SRP19: variants seen among roughly 807,000 people sequenced by gnomAD.
The protein encoded by SRP19 is signal recognition particle 19 kDa protein.
A neutral mutation model predicts 22.4 loss-of-function variants in SRP19; 11 were observed. That is an observed-to-expected ratio of 0.49 (90% confidence interval 0.31 to 0.81). SRP19 has a LOEUF of 0.81. Ranked by LOEUF, SRP19 falls within the 40% of genes least tolerant of loss-of-function variation. The pLI, the probability that SRP19 is intolerant of heterozygous loss-of-function variation, is 0.05. For missense variants in SRP19, 168 were observed against 175.9 expected (o/e 0.96, Z 0.25); for synonymous variants, 61 against 57.6 (o/e 1.06, Z -0.27).
chr5:112,864,789 C>CA lies in SRP19; in HGVS notation c.301+63dup, dbSNP rs150798120. 5,328 of 1,338,296 alleles carry CA rather than the reference C, an allele frequency of 4.0e-3. 157 individuals carry two copies. In the African/African-American group the frequency reaches 0.069, roughly 17 times the overall value. The allele number at this position is 1,338,296 out of a possible 1,614,324, so 82.9% of individuals were successfully genotyped here. ...AGGGATAGGTTTCTCCTACACAACA[C>CA]AAAAAAGGTTCTAAAACTGAAAGGT... On this transcript the variant is annotated intron_variant, in intron 4 of 4. Transcript: ENST00000505459.
chr5:112,871,373 A>G (rs902056559), downstream of SRP19, among the ~76,000 whole-genome samples: 1 of 151,712 alleles, frequency 6.6e-6, no homozygotes, highest in African/African-American at 2.4e-5. Context: ...CAGTGGCACA[A>G]TCACGGCTCA....
At chr5:112,888,416 C>T (rs1768327189) in intron 4 of SRP19, among the ~76,000 whole-genome samples, 1 of 152,186 alleles carries the variant, frequency 6.6e-6, no homozygotes, top group Admixed American at 6.5e-5. Flanking sequence ...AACCCAAGTT[C>T]TCAACAATAT....
Position 112,868,469 on chromosome 5 carries a change from C to T in SRP19, c.*932C>T, listed in dbSNP as rs542851573. On this transcript the variant is annotated 3_prime_UTR_variant, in exon 5 of 5. Transcript: ENST00000505459. Reference sequence around the variant, plus strand: ...AGGCTGGAGTGCAATGGCACGATATCGGCGTACCACAACCTCTGCATCCCA... The same window carrying T: ...AGGCTGGAGTGCAATGGCACGATATTGGCGTACCACAACCTCTGCATCCCA... 59 of 761,204 alleles carry T rather than the reference C, an allele frequency of 7.8e-5. No homozygotes were observed. The East Asian group carries it at 1.3e-3, about 16-fold the overall frequency. 47.2% of individuals were successfully genotyped at this position (761,204 alleles called of 1,614,324 possible). A position where few individuals can be genotyped will look rare whatever the true frequency, so the allele number is the denominator to read the frequency against.
intron 4 of SRP19, chr5:112,887,199 G>C: frequency 1.3e-6 from 2 of 1,563,420 alleles, no homozygotes; most frequent in Non-Finnish European, 1.7e-6. Flanking sequence ...CAGAAAAAGA[G>C]CCAGCATGGG....
downstream of SRP19, among the ~76,000 whole-genome samples, chr5:112,871,428 C>T (rs188088713): frequency 4.4e-3 from 665 of 151,960 alleles, 3 homozygotes; most frequent in Middle Eastern, 0.01. Flanking sequence ...CCCATCTCAG[C>T]CTCCTGAGTA....
chr5:112,867,329 TTG>T, intron 4 of SRP19, 73 bp from the exon 5 acceptor site: 1 of 1,515,788 alleles, frequency 6.6e-7, no homozygotes, highest in Middle Eastern at 1.8e-4. Context: ...TTCTTACACT[TTG>T]TGATATTCAA....
intron 4 of SRP19, among the ~76,000 whole-genome samples, chr5:112,891,178 T>A (rs764785082): frequency 7.0e-6 from 1 of 142,008 alleles, no homozygotes; most frequent in African/African-American, 2.9e-5. Flanking sequence ...GTTCAAGCAG[T>A]TCTCCTGCCT....
chr5:112,861,296 C>T lies in SRP19; in HGVS notation c.-81C>T. On this transcript the variant is annotated 5_prime_UTR_variant, in exon 1 of 5. Coordinates refer to ENST00000505459, the MANE Select transcript of SRP19 (RefSeq NM_003135.3). ...CTTCCGGCGGAAAAGCGGGCTGTCT[C>T]GGAAACTCAGAGCCGGGTTCCTCCC... 2 of 1,549,682 alleles carry T rather than the reference C, an allele frequency of 1.3e-6. No individual in the cohort carries two copies. The highest frequency in any genetic ancestry group is 1.8e-6 in the Non-Finnish European group (2 of 1,121,720).
chr5:112,896,839 G>C (rs781523341), downstream of SRP19: 6 of 152,168 alleles, frequency 3.9e-5, no homozygotes, highest in Admixed American at 2.0e-4. Flanking sequence ...GCTGAGACAG[G>C]AGAATCACTT....
At chr5:112,866,934 G>A (rs3822654) in intron 4 of SRP19, among the ~76,000 whole-genome samples, 7,892 of 152,198 alleles carry the variant, frequency 0.052, 506 homozygotes, top group East Asian at 0.16. Context: ...GCTGGTTGTA[G>A]GTGTGCAGAG....
intron 4 of SRP19, among the ~76,000 whole-genome samples, chr5:112,882,937 C>A (rs1370926785): frequency 6.6e-6 from 1 of 152,168 alleles, no homozygotes; most frequent in African/African-American, 2.4e-5. Context: ...TCACAGCATA[C>A]CATAAAACCT....
exon 5 of SRP19, chr5:112,892,068 G>T: frequency 1.9e-6 from 3 of 1,584,944 alleles, no homozygotes; most frequent in Non-Finnish European, 2.6e-6. Flanking sequence ...CTGTGCAGAA[G>T]ATGCTGGATC....
downstream of SRP19, chr5:112,894,562 C>A (rs1272050509): frequency 1.3e-5 from 2 of 152,126 alleles, no homozygotes; most frequent in African/African-American, 2.4e-5. Flanking sequence ...TATCAGAATC[C>A]TTGGTGGACA....
chr5:112,892,733 A>C, exon 5 of SRP19: 4 of 1,614,010 alleles, frequency 2.5e-6, no homozygotes, highest in Non-Finnish European at 3.4e-6. Flanking sequence ...TTTGGCAAGA[A>C]CTCCGAGAGG....
At position 112,864,679 on chromosome 5, in the gene SRP19, G is replaced by A. The variant is rs559658089; in HGVS notation, c.248G>A (p.Arg83Gln). ...NRDVQYRGRV[R>Q]VQLKQEDGSL... ...GATGTCCAATACAGAGGCAGAGTCCGGGTCCAGCTCAAACAGGAAGATGGG... is the reference window on the plus strand; with the variant it reads ...GATGTCCAATACAGAGGCAGAGTCCAGGTCCAGCTCAAACAGGAAGATGGG... Residue 83 changes from arginine (R) to glutamine (Q), a missense_variant, in exon 4 of 5, where the codon CGG (arginine) becomes CAG (glutamine). By Grantham distance (43) the Arg-to-Gln change is conservative. Transcript: ENST00000505459. 9.9e-6 allele frequency: 16 copies of A among 1,614,122 alleles called. No individual in the cohort carries two copies. The highest frequency in any genetic ancestry group is 1.7e-5 in the Admixed American group (1 of 60,010).
At chr5:112,887,791 ATTTT>A (rs1007441155) in intron 4 of SRP19, among the ~76,000 whole-genome samples, 1 of 151,370 alleles carries the variant, frequency 6.6e-6, no homozygotes, top group Non-Finnish European at 1.5e-5. Context: ...TGCCATTGAG[ATTTT>A]TTTTTAATTG....
chr5:112,878,732 T>A, intron 4 of SRP19: 1 of 1,606,116 alleles, frequency 6.2e-7, no homozygotes, highest in Non-Finnish European at 8.5e-7. Context: ...TAATATAACA[T>A]CAAGCTCCAG....
chr5:112,865,443 A>G (rs1028470694), intron 4 of SRP19, among the ~76,000 whole-genome samples: 6 of 152,208 alleles, frequency 3.9e-5, no homozygotes, highest in Admixed American at 1.3e-4. Flanking sequence ...TTTTGTTTGC[A>G]TGTTGTTTAT....
At chr5:112,866,037 T>C (rs546720667) in intron 4 of SRP19, among the ~76,000 whole-genome samples, 4 of 151,928 alleles carry the variant, frequency 2.6e-5, no homozygotes, top group Admixed American at 2.6e-4. Context: ...GTTTGAACTT[T>C]TATTTTTAAA....
Sources: allele counts gnomAD v4.1 joint callset (sites outside exome capture counted in the v4.1 genomes callset), GRCh38; gene constraint gnomAD v4.1.1; transcripts MANE v1.5; gene names NCBI Gene and HGNC (gene_info 2026-07-23, HGNC 2026-07-21).